MAP2K7: variants seen among roughly 807,000 people sequenced by gnomAD.
MAP2K7 encodes the protein mitogen-activated protein kinase kinase 7.
Under a neutral mutation model 47.7 loss-of-function variants are expected in MAP2K7, and 12 were observed. That is an observed-to-expected ratio of 0.25 (90% CI 0.16 to 0.41). The LOEUF is 0.41. Among genes scored for constraint, MAP2K7 ranks in the 10% least tolerant of loss-of-function variants. The probability of loss-of-function intolerance (pLI) is 1.00; values close to 1 mark genes in which losing one functional copy is unlikely to be tolerated. For missense variants in MAP2K7, 415 were observed against 600.3 expected (o/e 0.69, Z 3.23); for synonymous variants, 299 against 243.0 (o/e 1.23, Z -2.14).
Position 7,913,881 on chromosome 19 carries a change from A to G in MAP2K7, c.*1450A>G, listed in dbSNP as rs1243928573. ...GTAGGCGTAGCATCCCTCTCCTCTC[A>G]CTTAGCCTGTTGACTCTTGTTATTA... On this transcript the variant is annotated 3_prime_UTR_variant, in exon 11 of 11. Transcript: ENST00000397979. 2 of 152,462 alleles carry G rather than the reference A, an allele frequency of 1.3e-5. No individual in the cohort carries two copies. Among genetic ancestry groups the G allele is most frequent in the Non-Finnish European group, 2.9e-5 (2 of 68,018 alleles). The allele number at this position is 152,462 out of a possible 1,614,324, so 9.4% of individuals were successfully genotyped here.
chr19:7,905,900 A>T (rs774034627), intron 1 of MAP2K7: 3 of 1,581,992 alleles, frequency 1.9e-6, no homozygotes, highest in Non-Finnish European at 2.6e-6. Flanking sequence ...TGCACCATTG[A>T]CCTAACCGCT....
chr19:7,913,066 C>CTCTT lies in MAP2K7; in HGVS notation c.*637_*640dup, dbSNP rs1024416791. On this transcript the variant is annotated 3_prime_UTR_variant, in exon 11 of 11. Transcript: ENST00000397979. ...GCGCTCTCTCTCTCTCTCTCTCTCT[C>CTCTT]TCTTTGATCTCAGGGGGTCCTTTTT... The CTCTT allele has an allele frequency of 2.0e-5, 3 of 147,646 alleles. No homozygotes were observed. The highest frequency in any genetic ancestry group is 2.0e-4 in the East Asian group (1 of 5,074). 9.1% of individuals were successfully genotyped at this position (147,646 alleles called of 1,614,324 possible).
chr19:7,912,402 A>G lies in MAP2K7; in HGVS notation c.1231A>G (p.Ser411Gly). ...GTCACCGCGGACTAGCGGCGTCCTG[A>G]GCCAGCCCCACCTGCCCTTCTTCAG... ...TESPRTSGVL[S>G]QPHLPFFR The change falls in exon 11 of 11, where the codon AGC becomes GGC. Residue 411 changes from serine (S) to glycine (G), a missense_variant. This residue lies in a region of MAP2K7 where 94 missense variants were observed against 105.2 expected (regional missense o/e 0.89). Coordinates refer to ENST00000397979, the MANE Select transcript of MAP2K7 (RefSeq NM_145185.4). 1.2e-6 allele frequency: 2 copies of G among 1,612,564 alleles called. No individual in the cohort carries two copies. Among genetic ancestry groups the G allele is most frequent in the Non-Finnish European group, 1.7e-6 (2 of 1,179,934 alleles).
Position 7,903,933 on chromosome 19 carries a change from G to C in MAP2K7, c.-12G>C. On this transcript the variant is annotated 5_prime_UTR_variant, in exon 1 of 11. Coordinates refer to ENST00000397979, the MANE Select transcript of MAP2K7 (RefSeq NM_145185.4). ...GGCCGGGCGGTGCGCGGCGGCGGTG[G>C]CGGCGGGGAAGATGGCGGCGTCCTC... The C allele has an allele frequency of 6.6e-7, 1 of 1,515,280 alleles. No individual in the cohort carries two copies. The highest frequency in any genetic ancestry group is 8.8e-7 in the Non-Finnish European group (1 of 1,131,482). 93.9% of individuals were successfully genotyped at this position (1,515,280 alleles called of 1,614,324 possible).
At position 7,912,506 on chromosome 19, in the gene MAP2K7, C is replaced by A; in HGVS notation, c.*75C>A. On this transcript the variant is annotated 3_prime_UTR_variant, in exon 11 of 11. Transcript: ENST00000397979. ...CCCCCCTCCCCACTTGGCCACCCAG[C>A]TGCCTGCCAGGGGAGACCTGGGACC... The A allele has an allele frequency of 6.6e-7, 1 of 1,506,412 alleles. No individual in the cohort carries two copies. Among genetic ancestry groups the A allele is most frequent in the South Asian group, 1.2e-5 (1 of 80,724 alleles). 93.3% of individuals were successfully genotyped at this position (1,506,412 alleles called of 1,614,324 possible).
intron 1 of MAP2K7, among the ~76,000 whole-genome samples, chr19:7,908,836 C>T (rs1982626333): frequency 5.3e-5 from 8 of 152,110 alleles, no homozygotes; most frequent in Admixed American, 5.2e-4. Context: ...TCTGGCCTGT[C>T]TCTGCAGCGC....
At chr19:7,907,880 C>G (rs759983014) in intron 1 of MAP2K7, among the ~76,000 whole-genome samples, 33 of 152,128 alleles carry the variant, frequency 2.2e-4, no homozygotes, top group Non-Finnish European at 4.4e-4. Flanking sequence ...GGGGGGAGCA[C>G]AGGCCCTCGG....
chr19:7,906,041 C>T (rs1032870620), intron 1 of MAP2K7: 4 of 621,374 alleles, frequency 6.4e-6, no homozygotes, highest in Non-Finnish European at 1.2e-5. Flanking sequence ...CCTCTGCGTC[C>T]TCCCTCCTCC....
chr19:7,912,162 C>G lies in MAP2K7; in HGVS notation c.1093C>G (p.His365Asp). 1.2e-6 allele frequency: 2 copies of G among 1,614,014 alleles called. No individual in the cohort carries two copies. The highest frequency in any genetic ancestry group is 8.5e-7 in the Non-Finnish European group (1 of 1,179,948). ...CTCTTGCTCTAGCCTTACTAAAGAT[C>G]ACAGGAAGAGACCAAAGTATAATAA... The part of the protein sequence containing the change: ...SFVKDCLTKD[H>D]RKRPKYNKLL... Residue 365 changes from histidine (H) to aspartate (D), a missense_variant, in exon 10 of 11, where the codon CAC becomes GAC. This residue lies in a region of MAP2K7 where 94 missense variants were observed against 105.2 expected (regional missense o/e 0.89). Coordinates refer to ENST00000397979, the MANE Select transcript of MAP2K7 (RefSeq NM_145185.4).
chr19:7,912,123 A>G (rs367627250), intron 9 of MAP2K7, 26 bp from the exon 10 acceptor site: 22 of 1,612,448 alleles, frequency 1.4e-5, no homozygotes, highest in African/African-American at 2.7e-5. Context: ...TCGTTCTCAC[A>G]TCTGTCTTCC....
chr19:7,908,991 C>G (rs118076444), intron 1 of MAP2K7, among the ~76,000 whole-genome samples: 3 of 152,134 alleles, frequency 2.0e-5, no homozygotes, highest in South Asian at 4.1e-4. Context: ...CCGAGCTGCC[C>G]GCATGCAGGC....
intron 9 of MAP2K7, among the ~76,000 whole-genome samples, chr19:7,911,923 C>G (rs1982900273): frequency 6.6e-6 from 1 of 152,180 alleles, no homozygotes; most frequent in Non-Finnish European, 1.5e-5. Flanking sequence ...CCTCAGCCAG[C>G]TCTGGCCCCC....
intron 1 of MAP2K7, among the ~76,000 whole-genome samples, chr19:7,907,684 A>G (rs940330454): frequency 6.6e-6 from 1 of 152,020 alleles, no homozygotes; most frequent in Non-Finnish European, 1.5e-5. Flanking sequence ...CCTCCTCCCC[A>G]GGCTCCGGGG....
At chr19:7,905,753 C>T (rs773010793) in intron 1 of MAP2K7, 4 of 1,417,316 alleles carry the variant, frequency 2.8e-6, no homozygotes, top group South Asian at 1.1e-5. Context: ...ACGAATCAGT[C>T]GTTTCTGTTG....
chr19:7,906,010 G>T, intron 1 of MAP2K7: 1 of 732,106 alleles, frequency 1.4e-6, no homozygotes, highest in Non-Finnish European at 2.4e-6. Flanking sequence ...CACTCAAGCA[G>T]CGGTCAGCCC....
rs1599618083 is a variant in MAP2K7 at position 7,903,941 on chromosome 19, G to A, written c.-4G>A. 3 of 1,524,598 alleles carry A rather than the reference G, an allele frequency of 2.0e-6. No individual in the cohort carries two copies. The highest frequency in any genetic ancestry group is 2.6e-6 in the Non-Finnish European group (3 of 1,136,790). The allele number at this position is 1,524,598 out of a possible 1,614,324, so 94.4% of individuals were successfully genotyped here. On this transcript the variant is annotated 5_prime_UTR_variant, in exon 1 of 11. Coordinates refer to ENST00000397979, the MANE Select transcript of MAP2K7 (RefSeq NM_145185.4). ...GGTGCGCGGCGGCGGTGGCGGCGGG[G>A]AAGATGGCGGCGTCCTCCCTGGAAC...
chr19:7,905,848 A>T, intron 1 of MAP2K7: 1 of 1,612,496 alleles, frequency 6.2e-7, no homozygotes, highest in East Asian at 2.2e-5. Context: ...CCCCGTCCCA[A>T]CGAGCAGGTA....
intron 10 of MAP2K7, 25 bp downstream of exon 10, chr19:7,912,219 C>G (rs1982924364): frequency 6.2e-7 from 1 of 1,613,700 alleles, no homozygotes. Flanking sequence ...CCTCCCAGTC[C>G]CCGTCCTGTC....
At chr19:7,909,019 C>T (rs1266612284) in intron 1 of MAP2K7, among the ~76,000 whole-genome samples, 1 of 151,412 alleles carries the variant, frequency 6.6e-6, no homozygotes, top group Non-Finnish European at 1.5e-5. Flanking sequence ...TGAGCCAACC[C>T]CCGCCTGGCC....
Sources: allele counts gnomAD v4.1 joint callset (sites outside exome capture counted in the v4.1 genomes callset), GRCh38; gene constraint gnomAD v4.1.1; regional missense constraint gnomAD v4.1.1; transcripts MANE v1.5; gene names NCBI Gene and HGNC (gene_info 2026-07-23, HGNC 2026-07-21).